PHIP: variants seen among roughly 807,000 people sequenced by gnomAD.
PHIP encodes PH-interacting protein.
In PHIP, 54 loss-of-function variants were observed where a neutral mutation model predicts 236.8. The observed-to-expected ratio is 0.23, with a 90% CI of 0.18 to 0.29. The LOEUF (loss-of-function observed/expected upper bound fraction) is 0.29, where lower values mean the gene tolerates loss of function less well. Among genes scored for constraint, PHIP ranks in the 10% least tolerant of loss-of-function variants. The pLI is 1.00. For missense variants in PHIP, 1,370 were observed against 2,190.8 expected (o/e 0.63, Z 7.48); for synonymous variants, 756 against 718.9 (o/e 1.05, Z -0.83).
intron 7 of PHIP, among the ~76,000 whole-genome samples, chr6:79,039,142 T>C (rs1772085016): frequency 2.0e-5 from 3 of 152,096 alleles, no homozygotes; most frequent in Admixed American, 1.3e-4. Flanking sequence ...AAAAGAAAAA[T>C]TCTCCTCACT....
intron 15 of PHIP, among the ~76,000 whole-genome samples, chr6:79,007,073 A>T (rs1201524335): frequency 6.6e-6 from 1 of 152,116 alleles, no homozygotes; most frequent in Non-Finnish European, 1.5e-5. Context: ...AGAATTCTAT[A>T]AATACTACCA....
intron 4 of PHIP, among the ~76,000 whole-genome samples, chr6:79,065,764 C>CACA (rs1773589573): frequency 3.5e-5 from 5 of 143,380 alleles, no homozygotes; most frequent in African/African-American, 7.7e-5. Flanking sequence ...CTTAACTATA[C>CACA]CACACACACA....
chr6:78,968,140 T>C (rs1184309224), intron 27 of PHIP, among the ~76,000 whole-genome samples: 5 of 151,940 alleles, frequency 3.3e-5, no homozygotes, highest in Admixed American at 6.6e-5. Flanking sequence ...ATCTCAAAAA[T>C]AAAATAAAAT....
chr6:79,070,174 CAAGTTTT>C (rs141331562), intron 4 of PHIP, among the ~76,000 whole-genome samples: 45 of 152,208 alleles, frequency 3.0e-4, no homozygotes, highest in African/African-American at 1.1e-3. Context: ...AACAAATTTT[CAAGTTTT>C]GATGTTTAAG....
At chr6:79,013,430 T>C (rs1480056787) in intron 15 of PHIP, among the ~76,000 whole-genome samples, 2 of 151,778 alleles carry the variant, frequency 1.3e-5, no homozygotes, top group African/African-American at 4.8e-5. Context: ...TCCTATCTCT[T>C]ATCCATAAAA....
intron 27 of PHIP, 122 bp from the exon 28 acceptor site, chr6:78,966,178 C>T: frequency 1.6e-6 from 1 of 624,334 alleles, no homozygotes; most frequent in Non-Finnish European, 2.9e-6. Context: ...AAAAAGTGAA[C>T]CACAAACTCC....
intron 14 of PHIP, 61 bp from the exon 15 acceptor site, chr6:79,015,277 T>C: frequency 7.6e-7 from 1 of 1,322,720 alleles, no homozygotes; most frequent in South Asian, 1.2e-5. Flanking sequence ...AAAACAAACA[T>C]AATGAAATAC....
rs1766309594 is a variant in PHIP at position 78,954,850 on chromosome 6, C to T, written c.4017G>A (p.Glu1339=). 1 of 1,582,036 alleles carries T rather than the reference C, an allele frequency of 6.3e-7. No individual in the cohort carries two copies. Among genetic ancestry groups the T allele is most frequent in the African/African-American group, 1.4e-5 (1 of 72,720 alleles). Residue 1339 remains glutamate, a synonymous_variant, in exon 35 of 40, where the codon GAG becomes GAA. Coordinates refer to ENST00000275034, the MANE Select transcript of PHIP (RefSeq NM_017934.7). ...LNLIFQCEDS[E]PFRQPVDLLE... is the part of the protein sequence containing the mutation. ...GGAGATCTACCGGCTGACGGAAAGG[C>T]TCTGAATCTTCACATTGAAATATGA...
intron 21 of PHIP, among the ~76,000 whole-genome samples, chr6:78,986,381 A>G (rs1360747797): frequency 6.6e-6 from 1 of 152,242 alleles, no homozygotes; most frequent in African/African-American, 2.4e-5. Context: ...TTATGCTCCA[A>G]TAACAATAAC....
At chr6:78,999,007 A>G (rs1769821403) in intron 17 of PHIP, among the ~76,000 whole-genome samples, 2 of 152,104 alleles carry the variant, frequency 1.3e-5, no homozygotes, top group South Asian at 4.1e-4. Flanking sequence ...TGTTGAAATA[A>G]AGAAGGTGAT....
At chr6:79,024,571 G>A (rs1447931358) in intron 9 of PHIP, among the ~76,000 whole-genome samples, 5 of 152,174 alleles carry the variant, frequency 3.3e-5, no homozygotes, top group South Asian at 4.1e-4. Flanking sequence ...TTGGGAGGCC[G>A]AGGTGGGCGG....
chr6:78,978,037 T>C (rs1768237079), intron 24 of PHIP, among the ~76,000 whole-genome samples: 2 of 152,116 alleles, frequency 1.3e-5, no homozygotes, highest in Admixed American at 1.3e-4. Context: ...GAGTAAAAAA[T>C]GTTGAGACCA....
intron 9 of PHIP, among the ~76,000 whole-genome samples, chr6:79,021,787 G>A (rs1192283208): frequency 1.3e-5 from 2 of 152,204 alleles, no homozygotes; most frequent in East Asian, 3.9e-4. Flanking sequence ...CTAATAGAAA[G>A]AATGAATAAG....
At chr6:79,054,627 C>T (rs1031574904) in intron 6 of PHIP, among the ~76,000 whole-genome samples, 9 of 150,648 alleles carry the variant, frequency 6.0e-5, no homozygotes, top group Admixed American at 1.3e-4. Flanking sequence ...TAACTGTTAA[C>T]TTATATATTA....
intron 23 of PHIP, among the ~76,000 whole-genome samples, chr6:78,980,830 G>C (rs1272836509): frequency 6.6e-6 from 1 of 151,990 alleles, no homozygotes; most frequent in Non-Finnish European, 1.5e-5. Context: ...AAGAAAGACA[G>C]AAAAGTTTGA....
chr6:78,941,394 G>T, intron 39 of PHIP, 64 bp from the exon 40 acceptor site: 1 of 1,142,972 alleles, frequency 8.7e-7, no homozygotes, highest in Non-Finnish European at 1.3e-6. Context: ...TCTCAAACTT[G>T]TCAGTAAGGC....
intron 6 of PHIP, among the ~76,000 whole-genome samples, chr6:79,047,638 A>G (rs944376707): frequency 1.3e-5 from 2 of 152,138 alleles, no homozygotes; most frequent in South Asian, 2.1e-4. Context: ...ACATTATTAG[A>G]GAAACATTTC....
At chr6:79,025,045 G>T (rs1236301073) in intron 9 of PHIP, among the ~76,000 whole-genome samples, 2 of 152,056 alleles carry the variant, frequency 1.3e-5, no homozygotes, top group Admixed American at 6.6e-5. Flanking sequence ...GGAGGGAGGG[G>T]AATACATCTA....
At chr6:79,072,863 A>C (rs1260021238) in intron 4 of PHIP, among the ~76,000 whole-genome samples, 1 of 152,172 alleles carries the variant, frequency 6.6e-6, no homozygotes, top group East Asian at 1.9e-4. Flanking sequence ...GCTTTTCTTA[A>C]AGAAAACTTT....
Sources: gnomAD v4.1 joint callset for allele counts (sites outside exome capture counted in the v4.1 genomes callset) on GRCh38, gnomAD v4.1.1 for gene constraint, MANE v1.5 for transcripts, NCBI Gene and HGNC (gene_info 2026-07-23, HGNC 2026-07-21) for gene names.